BANP: variants seen among roughly 807,000 people sequenced by gnomAD.
BANP encodes protein BANP.
BANP carries 11 observed loss-of-function variants against 68.1 expected under a neutral mutation model. That is an observed-to-expected ratio of 0.16 (90% CI 0.10 to 0.27). BANP has a LOEUF of 0.27. Ranked by LOEUF, BANP falls within the 10% of genes least tolerant of loss-of-function variation. The pLI is 1.00. For missense variants in BANP, 504 were observed against 722.7 expected, an observed-to-expected ratio of 0.70 and a Z score of 3.47; for synonymous variants, 329 against 303.2, an observed-to-expected ratio of 1.09 and a Z score of -0.88.
chr16:87,973,576 C>T (rs1158280675), intron 1 of BANP, among the ~76,000 whole-genome samples: 3 of 151,964 alleles, frequency 2.0e-5, no homozygotes, highest in Non-Finnish European at 2.9e-5. Flanking sequence ...ACCCGACCAA[C>T]GTGGAGAAAC....
chr16:87,994,845 C>T (rs537319480), intron 4 of BANP, among the ~76,000 whole-genome samples: 3 of 152,322 alleles, frequency 2.0e-5, no homozygotes, highest in African/African-American at 7.2e-5. Context: ...TTTGATTAGT[C>T]TGAGTGCTGA....
Position 88,003,429 on chromosome 16 carries a change from T to A in BANP, c.363-866T>A, listed in dbSNP as rs537642550. On this transcript the variant is annotated intron_variant, in intron 4 of 13. Coordinates refer to ENST00000682872, the MANE Select transcript of BANP (RefSeq NM_001386991.1). This position sits in a 1 kb window ranked among gnomAD's most constrained non-coding sequence, Gnocchi z 6.1. ...AGTGAAATCCAAGAATGGAGTTTTA[T>A]TGTCAGGTGATAATCACGTTGTGTT... The A allele has an allele frequency of 2.2e-6, 1 of 455,926 alleles. No homozygotes were observed. The highest frequency in any genetic ancestry group is 2.0e-5 in the African/African-American group (1 of 50,062). The allele number at this position is 455,926 out of a possible 1,614,324, so 28.2% of individuals were successfully genotyped here.
In BANP at chr16:88,018,398, C is replaced by T. The variant is rs1305008837; in HGVS notation, c.656-30C>T. 3 of 1,594,608 alleles carry T rather than the reference C, an allele frequency of 1.9e-6. No homozygotes were observed. The highest frequency in any genetic ancestry group is 1.7e-6 in the Non-Finnish European group (2 of 1,169,048). Reference sequence around the variant, plus strand: ...GAATGTGAGCTTATTTGAGCCTTGGCCATCTGAGGACCTGTCTTCTGTTTT... The same window carrying T: ...GAATGTGAGCTTATTTGAGCCTTGGTCATCTGAGGACCTGTCTTCTGTTTT... On this transcript the variant is annotated intron_variant, in intron 6 of 13. Transcript: ENST00000682872. This position sits in a 1 kb window ranked among gnomAD's most constrained non-coding sequence, Gnocchi z 7.7.
At chr16:88,049,933 T>C (rs912736941) in intron 11 of BANP, among the ~76,000 whole-genome samples, 1 of 152,248 alleles carries the variant, frequency 6.6e-6, no homozygotes, top group African/African-American at 2.4e-5. Context: ...TTAGATTACA[T>C]ACAGCATAGG....
chr16:88,006,724 C>T (rs896639942), intron 6 of BANP, among the ~76,000 whole-genome samples: 3 of 150,828 alleles, frequency 2.0e-5, no homozygotes, highest in Non-Finnish European at 2.9e-5. Flanking sequence ...GAGGCTGAGG[C>T]GGGTGGATCA....
intron 1 of BANP, among the ~76,000 whole-genome samples, chr16:87,970,833 C>G (rs1252559090): frequency 6.6e-6 from 1 of 152,036 alleles, no homozygotes; most frequent in Non-Finnish European, 1.5e-5. Flanking sequence ...AGCCTGGCCA[C>G]AGAGGGAAAC....
intron 4 of BANP, among the ~76,000 whole-genome samples, chr16:87,999,363 T>TCCAGACAC (rs2068429582): frequency 6.9e-6 from 1 of 144,782 alleles, no homozygotes. Flanking sequence ...TACCTGTCCT[T>TCCAGACAC]CCAGACACGT....
intron 1 of BANP, among the ~76,000 whole-genome samples, chr16:87,968,675 C>T (rs1252296609): frequency 6.6e-6 from 1 of 152,002 alleles, no homozygotes; most frequent in Admixed American, 6.6e-5. Context: ...ATGCTAGTTG[C>T]GCCTGACAGG....
At chr16:87,975,582 G>A (rs1433973114) in intron 2 of BANP, among the ~76,000 whole-genome samples, 5 of 150,602 alleles carry the variant, frequency 3.3e-5, no homozygotes, top group South Asian at 2.1e-4. Context: ...CATGTGCGGC[G>A]TCATGGAACC....
chr16:87,970,759 C>G (rs903757803), intron 1 of BANP, among the ~76,000 whole-genome samples: 1 of 152,168 alleles, frequency 6.6e-6, no homozygotes. Context: ...GTGGCTCGGC[C>G]TGTCATCCCA....
intron 4 of BANP, among the ~76,000 whole-genome samples, chr16:87,985,327 C>T (rs772092662): frequency 3.3e-5 from 5 of 152,150 alleles, no homozygotes; most frequent in African/African-American, 7.2e-5. Flanking sequence ...AGTTCGCAGG[C>T]GGGAGCTGGG....
At chr16:87,972,993 C>T (rs916833729) in intron 1 of BANP, among the ~76,000 whole-genome samples, 32 of 151,948 alleles carry the variant, frequency 2.1e-4, no homozygotes, top group African/African-American at 7.3e-4. Context: ...ATCCTATGCC[C>T]GTGTGCCATG....
chr16:88,044,306 C>T (rs1301982621), intron 11 of BANP, among the ~76,000 whole-genome samples: 1 of 148,880 alleles, frequency 6.7e-6, no homozygotes, highest in Non-Finnish European at 1.5e-5. Flanking sequence ...TGTGCACACA[C>T]ACAGTCGGAA....
intron 11 of BANP, among the ~76,000 whole-genome samples, chr16:88,043,127 C>A (rs906717215): frequency 6.6e-6 from 1 of 152,128 alleles, no homozygotes; most frequent in Non-Finnish European, 1.5e-5. Flanking sequence ...CCTGTGCTGC[C>A]CTCCTCGCCT....
chr16:88,072,251 G>T (rs757917104), intron 13 of BANP, 39 bp downstream of exon 13: 2 of 1,569,268 alleles, frequency 1.3e-6, no homozygotes, highest in African/African-American at 1.4e-5. Flanking sequence ...TGAAGTGATG[G>T]CATGGCCGCC....
intron 6 of BANP, among the ~76,000 whole-genome samples, chr16:88,010,799 A>G (rs1484245760): frequency 6.6e-6 from 1 of 152,008 alleles, no homozygotes; most frequent in Non-Finnish European, 1.5e-5. Context: ...CACACCTCGC[A>G]GTCCATGGAA....
intron 6 of BANP, among the ~76,000 whole-genome samples, chr16:88,010,108 C>T (rs1358524264): frequency 6.6e-6 from 1 of 152,234 alleles, no homozygotes; most frequent in East Asian, 1.9e-4. Flanking sequence ...TCTTGGTGTG[C>T]TCATAGCTTT....
In BANP at chr16:87,981,210, G is replaced by A. The variant is rs117564717; in HGVS notation, c.162+83G>A. 8,668 of 1,019,256 alleles carry A rather than the reference G, an allele frequency of 8.5e-3. 53 individuals are homozygous for A. The highest frequency in any genetic ancestry group is 0.016 in the South Asian group (1,209 of 76,430). The allele number at this position is 1,019,256 out of a possible 1,614,324, so 63.1% of individuals were successfully genotyped here. The stretch of plus-strand genomic sequence containing the variant: ...ATAACAAATCACCATCAATGGGATG[G>A]CTTCAAAATGTAGCCTCTCAGCTGT... On this transcript the variant is annotated intron_variant, in intron 3 of 13. Coordinates refer to ENST00000682872, the MANE Select transcript of BANP (RefSeq NM_001386991.1).
At chr16:87,991,814 G>A (rs2065951104) in intron 4 of BANP, among the ~76,000 whole-genome samples, 1 of 152,048 alleles carries the variant, frequency 6.6e-6, no homozygotes, top group African/African-American at 2.4e-5. Flanking sequence ...GCATAATTAT[G>A]TTACCTTTAA....
Sources: gnomAD v4.1 joint callset for allele counts (sites outside exome capture counted in the v4.1 genomes callset) on GRCh38, gnomAD v4.1.1 for gene constraint, Gnocchi (gnomAD v3.1) non-coding constraint, MANE v1.5 for transcripts, NCBI Gene and HGNC (gene_info 2026-07-23, HGNC 2026-07-21) for gene names.